Variants in PI4KB observed in about 807,000 individuals in gnomAD.
The protein encoded by PI4KB is PtdIns 4-kinase beta.
PI4KB carries 23 observed loss-of-function variants against 81.4 expected under a neutral mutation model. That is an observed-to-expected ratio of 0.28 (90% confidence interval 0.20 to 0.40). The LOEUF is 0.40. PI4KB is among the 10% of genes least tolerant of loss of function. The pLI, the probability that PI4KB is intolerant of heterozygous loss-of-function variation, is 1.00. For missense variants in PI4KB, 651 were observed against 1,036.6 expected (o/e 0.63, Z 5.11); for synonymous variants, 381 against 406.8 (o/e 0.94, Z 0.76).
intron 1 of PI4KB, among the ~76,000 whole-genome samples, chr1:151,325,251 C>T (rs891417355): frequency 6.6e-6 from 1 of 151,974 alleles, no homozygotes; most frequent in African/African-American, 2.4e-5. Context: ...CCTCGGCCTC[C>T]CAAAATGCTG....
At chr1:151,294,571 G>A in intron 9 of PI4KB, 30 bp from the exon 10 acceptor site, 2 of 1,612,648 alleles carry the variant, frequency 1.2e-6, no homozygotes, top group African/African-American at 1.3e-5. Context: ...GAGAGGAAGA[G>A]GCAGTAGTCA....
At chr1:151,320,726 G>A (rs1648731069) in intron 1 of PI4KB, among the ~76,000 whole-genome samples, 1 of 152,188 alleles carries the variant, frequency 6.6e-6, no homozygotes, top group Non-Finnish European at 1.5e-5. Context: ...TCATCAGAGG[G>A]TCACCGATTC....
At chr1:151,317,733 T>C (rs1412200611) in intron 1 of PI4KB, among the ~76,000 whole-genome samples, 2 of 152,204 alleles carry the variant, frequency 1.3e-5, no homozygotes, top group African/African-American at 4.8e-5. Flanking sequence ...ATGCCTGCTA[T>C]AACCTTTTTA....
At chr1:151,307,458 C>T (rs1428776275) in intron 4 of PI4KB, 116 bp downstream of exon 4, 1 of 667,130 alleles carries the variant, frequency 1.5e-6, no homozygotes, top group Non-Finnish European at 2.7e-6. Context: ...GCATCATGAA[C>T]TATGAAGGGA....
rs926221213 is a variant in PI4KB, at chr1:151,298,860, G to C, written c.1963C>G (p.Gln655Glu). ...AFLSAQRNFV[Q>E]SCAGYCLVCY... is the part of the protein sequence containing the mutation. ...ACCAAGCAGTACCCAGCACAACTTTGCACAAAATTGCGCTGTGCACTGAGG... is the reference window on the plus strand; with the variant it reads ...ACCAAGCAGTACCCAGCACAACTTTCCACAAAATTGCGCTGTGCACTGAGG... Residue 655 changes from glutamine (Q) to glutamate (E), a missense_variant, in exon 9 of 12, where the codon CAA (glutamine) becomes GAA (glutamate). Gln to Glu is a conservative substitution (Grantham distance 29, BLOSUM62 2). Around this residue, in one of 5 missense-constraint regions of PI4KB, gnomAD observed 246 missense variants for 430.1 expected, o/e 0.57. Transcript: ENST00000368873. 1 of 1,614,182 alleles carries C rather than the reference G, an allele frequency of 6.2e-7. No individual in the cohort carries two copies. The highest frequency in any genetic ancestry group is 8.5e-7 in the Non-Finnish European group (1 of 1,180,012).
At chr1:151,303,366 T>C (rs2101942312) in intron 6 of PI4KB, 175 bp downstream of exon 6, 2 of 622,502 alleles carry the variant, frequency 3.2e-6, no homozygotes, top group South Asian at 3.7e-5. Context: ...GCCCAAGTAA[T>C]TTCTCAACCT....
At position 151,316,106 on chromosome 1, in the gene PI4KB, T is replaced by G; in HGVS notation, c.376A>C (p.Lys126Gln). 1 of 1,614,142 alleles carries G rather than the reference T, an allele frequency of 6.2e-7. No individual in the cohort carries two copies. The highest frequency in any genetic ancestry group is 8.5e-7 in the Non-Finnish European group (1 of 1,180,028). ...ARRRRQNNSAKQSWLLRLFES... is the reference protein window; with the variant it reads ...ARRRRQNNSAQQSWLLRLFES... Reference sequence around the variant, plus strand: ...AACAGCCTCAGCAGCCAAGACTGTTTAGCTGAGTTGTTCTGCCGCCGTCTT... The same window carrying G: ...AACAGCCTCAGCAGCCAAGACTGTTGAGCTGAGTTGTTCTGCCGCCGTCTT... The change falls in exon 2 of 12, where the codon AAA (lysine) becomes CAA (glutamine). Residue 126 changes from lysine (K) to glutamine (Q), a missense_variant. Around this residue, in one of 5 missense-constraint regions of PI4KB, gnomAD observed 314 missense variants for 397.8 expected, o/e 0.79. Coordinates refer to ENST00000368873, the MANE Select transcript of PI4KB (RefSeq NM_001369623.2).
chr1:151,319,010 T>A (rs1365291845), intron 1 of PI4KB, among the ~76,000 whole-genome samples: 2 of 152,106 alleles, frequency 1.3e-5, no homozygotes, highest in Non-Finnish European at 2.9e-5. Flanking sequence ...TAGGCTGGGG[T>A]TGAAAATCCT....
At chr1:151,316,814 TTTGTTG>T (rs5777768) in intron 1 of PI4KB, among the ~76,000 whole-genome samples, 3 of 151,880 alleles carry the variant, frequency 2.0e-5, no homozygotes, top group South Asian at 2.1e-4. Context: ...ACAAATTCTT[TTTGTTG>T]TTGTTGTTGT....
chr1:151,296,474 CTTT>C (rs112982041), intron 9 of PI4KB, among the ~76,000 whole-genome samples: 3 of 143,274 alleles, frequency 2.1e-5, no homozygotes. Context: ...TGCTAGATTT[CTTT>C]TTTTTTTTTT....
intron 9 of PI4KB, among the ~76,000 whole-genome samples, chr1:151,297,818 C>T (rs1241602161): frequency 6.6e-6 from 1 of 152,174 alleles, no homozygotes; most frequent in African/African-American, 2.4e-5. Flanking sequence ...GGATTATAGG[C>T]ATGAGCCACC....
intron 3 of PI4KB, among the ~76,000 whole-genome samples, chr1:151,308,363 C>T (rs1303008663): frequency 1.3e-5 from 2 of 152,144 alleles, no homozygotes; most frequent in Admixed American, 6.5e-5. Flanking sequence ...TCCCCCTGTC[C>T]GTCCCACAAT....
chr1:151,327,189 G>A (rs1383165334), intron 1 of PI4KB, 82 bp downstream of exon 1: 1 of 382,930 alleles, frequency 2.6e-6, no homozygotes, highest in East Asian at 3.7e-5. Flanking sequence ...AGGTGGGGAA[G>A]ACTGTGCGGG....
intron 1 of PI4KB, among the ~76,000 whole-genome samples, chr1:151,320,056 C>T (rs555385401): frequency 1.6e-4 from 25 of 152,168 alleles, no homozygotes; most frequent in African/African-American, 3.9e-4. Context: ...CTTTTTGAGA[C>T]GGAGTCTCGC....
At chr1:151,327,688 C>T (rs1649859775), upstream of PI4KB, 1 of 305,428 alleles carries the variant, frequency 3.3e-6, no homozygotes. Context: ...TGGAACATGC[C>T]TGTTCAGAAA....
intron 8 of PI4KB, 90 bp from the exon 9 acceptor site, chr1:151,299,163 C>T: frequency 8.5e-7 from 1 of 1,181,382 alleles, no homozygotes; most frequent in Non-Finnish European, 1.2e-6. Flanking sequence ...AGCCTCTCTC[C>T]TTGGTAGCAT....
chr1:151,314,036 A>G (rs924909326), intron 2 of PI4KB, among the ~76,000 whole-genome samples: 3 of 152,266 alleles, frequency 2.0e-5, no homozygotes, highest in South Asian at 2.1e-4. Context: ...TGCCTGGCAC[A>G]TAAGTGCTGA....
Position 151,292,488 on chromosome 1 carries a change from T to G in PI4KB, c.*364A>C. ...CCACTTCCTGGGCCCCAGAACGGAA[T>G]AAGAGGATGGCCTGTGGAAAGAACC... is the stretch of plus-strand genomic sequence containing the variant. On this transcript the variant is annotated 3_prime_UTR_variant, in exon 12 of 12. Coordinates refer to ENST00000368873, the MANE Select transcript of PI4KB (RefSeq NM_001369623.2). 5.2e-6 allele frequency: 1 copy of G among 192,660 alleles called. No homozygotes were observed. The highest frequency in any genetic ancestry group is 1.0e-4 in the South Asian group (1 of 9,846). The allele number at this position is 192,660 out of a possible 1,614,324, so 11.9% of individuals were successfully genotyped here. A position where few individuals can be genotyped will look rare whatever the true frequency, so the allele number is the denominator to read the frequency against.
At chr1:151,315,257 G>A (rs587665709) in intron 2 of PI4KB, among the ~76,000 whole-genome samples, 2 of 152,282 alleles carry the variant, frequency 1.3e-5, no homozygotes, top group African/African-American at 2.4e-5. Context: ...GATTACAAGC[G>A]TGAGCCACCG....
Sources: allele counts gnomAD v4.1 joint callset (sites outside exome capture counted in the v4.1 genomes callset), GRCh38; gene constraint gnomAD v4.1.1; regional missense constraint gnomAD v4.1.1; transcripts MANE v1.5; gene names NCBI Gene and HGNC (gene_info 2026-07-23, HGNC 2026-07-21).